Variants in CSMD1 observed in about 807,000 individuals in gnomAD.
CSMD1 encodes the protein CUB and Sushi multiple domains 1, also known as CUB and sushi domain-containing protein 1.
CSMD1 carries 213 observed loss-of-function variants against 417.5 expected under a neutral mutation model. The ratio of observed to expected loss-of-function variants is 0.51; its 90% confidence interval spans 0.46 to 0.57. CSMD1 has a LOEUF of 0.57. Among genes scored for constraint, CSMD1 ranks in the 20% least tolerant of loss-of-function variants. CSMD1 has a pLI of 0.00. For missense variants in CSMD1, 6,923 were observed against 4,529.7 expected (o/e 1.53, Z -15.17); for synonymous variants, 2,862 against 1,736.8 (o/e 1.65, Z -16.11).
chr8:4,551,855 T>A (rs1181741681), intron 2 of CSMD1, among the ~76,000 whole-genome samples: 1 of 76,072 alleles, frequency 1.3e-5, no homozygotes, highest in African/African-American at 5.7e-5. Flanking sequence ...ATTTTTTGTA[T>A]TTTTTTTTTT....
At chr8:3,122,672 C>T (rs1817275161) in intron 41 of CSMD1, among the ~76,000 whole-genome samples, 1 of 152,106 alleles carries the variant, frequency 6.6e-6, no homozygotes, top group African/African-American at 2.4e-5. Context: ...GGGGTTTCCA[C>T]TTTTGCTTCT....
intron 47 of CSMD1, among the ~76,000 whole-genome samples, chr8:3,095,860 T>A (rs963602580): frequency 1.3e-5 from 2 of 152,206 alleles, no homozygotes; most frequent in African/African-American, 4.8e-5. Context: ...ATATCACTGT[T>A]AAAATTTTCA....
intron 1 of CSMD1, among the ~76,000 whole-genome samples, chr8:4,986,553 T>A (rs1164226789): frequency 6.6e-6 from 1 of 152,170 alleles, no homozygotes; most frequent in East Asian, 1.9e-4. Flanking sequence ...ATTTAGCCCT[T>A]TCTTATATAA....
intron 2 of CSMD1, among the ~76,000 whole-genome samples, chr8:4,524,569 CTT>C (rs35453060): frequency 2.4e-4 from 28 of 117,922 alleles, no homozygotes; most frequent in South Asian, 2.8e-4. Flanking sequence ...CACACTTGGT[CTT>C]TTTTTTTTTT....
intron 18 of CSMD1, among the ~76,000 whole-genome samples, chr8:3,370,043 A>G (rs1809850098): frequency 6.6e-6 from 1 of 152,214 alleles, no homozygotes; most frequent in African/African-American, 2.4e-5. Flanking sequence ...AGTGTGTAGT[A>G]GCTACTAAAT....
chr8:2,968,433 G>A (rs966305274), intron 57 of CSMD1, among the ~76,000 whole-genome samples: 1 of 152,152 alleles, frequency 6.6e-6, no homozygotes. Context: ...TCAAATAACC[G>A]ATGAAAAATT....
intron 10 of CSMD1, among the ~76,000 whole-genome samples, chr8:3,538,306 G>C (rs74868891): frequency 2.0e-5 from 3 of 151,616 alleles, no homozygotes; most frequent in Non-Finnish European, 4.4e-5. Flanking sequence ...ACCTGAGATG[G>C]TACACGTGCG....
At chr8:4,259,422 T>C (rs908162697) in intron 3 of CSMD1, among the ~76,000 whole-genome samples, 2 of 152,264 alleles carry the variant, frequency 1.3e-5, no homozygotes, top group African/African-American at 2.4e-5. Flanking sequence ...TTCATAATTA[T>C]ACCAGGACCC....
intron 26 of CSMD1, among the ~76,000 whole-genome samples, chr8:3,254,720 G>A (rs141721560): frequency 1.4e-4 from 22 of 152,204 alleles, no homozygotes; most frequent in African/African-American, 4.8e-4. Context: ...TTTCAGCTCC[G>A]TCAGGTCCTT....
chr8:3,724,059 TG>T (rs1802344212), intron 6 of CSMD1, among the ~76,000 whole-genome samples: 1 of 66,368 alleles, frequency 1.5e-5, no homozygotes, highest in African/African-American at 3.2e-5. Context: ...ACACAGATTT[TG>T]TTCATTGACT....
At chr8:4,914,742 T>A (rs1404337188) in intron 1 of CSMD1, among the ~76,000 whole-genome samples, 1 of 151,868 alleles carries the variant, frequency 6.6e-6, no homozygotes, top group Non-Finnish European at 1.5e-5. Context: ...CTTAAGAGGC[T>A]AATGTGTTTT....
At chr8:4,807,102 A>AT (rs1466234960) in intron 1 of CSMD1, among the ~76,000 whole-genome samples, 2 of 152,206 alleles carry the variant, frequency 1.3e-5, no homozygotes, top group Admixed American at 6.5e-5. Flanking sequence ...AGACTAATAC[A>AT]TTCTCATAGA....
chr8:3,924,863 A>T lies in CSMD1; in HGVS notation c.818+73040T>A, dbSNP rs1809531306. The stretch of plus-strand genomic sequence containing the variant: ...TTTGTCAGGCGGTTCAAAAATTCTC[A>T]TTTCTTTAGGGTTTGGTACTGGTGC... On this transcript the variant is annotated intron_variant, in intron 5 of 69. Transcript: ENST00000635120. Among the ~76,000 whole-genome samples, 6 of 152,068 alleles carry T rather than the reference A, an allele frequency of 3.9e-5. No homozygotes were observed. In the South Asian group the frequency reaches 1.0e-3, roughly 26 times the overall value.
chr8:4,252,655 T>C (rs969705945), intron 3 of CSMD1, among the ~76,000 whole-genome samples: 1 of 152,216 alleles, frequency 6.6e-6, no homozygotes, highest in Admixed American at 6.5e-5. Context: ...AGTTTAAAAA[T>C]GGAACAGGCT....
chr8:4,924,383 C>G (rs1458254721), intron 1 of CSMD1, among the ~76,000 whole-genome samples: 1 of 152,074 alleles, frequency 6.6e-6, no homozygotes, highest in South Asian at 2.1e-4. Context: ...GAATTAAAAA[C>G]CATCTATATG....
rs1798971394 is a variant in CSMD1, at chr8:3,777,781, ACCCACAG to A, written c.819-23746_819-23740del. ...TGCAGAGTCTCAGTTCCCACTCCAG[ACCCACAG>A]CCTCCTTGAAGCGCAGAGTCTCAGT... On this transcript the variant is annotated intron_variant, in intron 5 of 69. Transcript: ENST00000635120. Among the ~76,000 whole-genome samples, 3 of 93,306 alleles carry A rather than the reference ACCCACAG, an allele frequency of 3.2e-5. No homozygotes were observed. The East Asian group carries it at 1.0e-3, about 31-fold the overall frequency. The allele number at this position is 93,306 out of a possible 152,430, so 61.2% of individuals were successfully genotyped here.
intron 1 of CSMD1, among the ~76,000 whole-genome samples, chr8:4,650,528 G>C (rs1181158768): frequency 6.6e-6 from 1 of 152,008 alleles, no homozygotes; most frequent in Non-Finnish European, 1.5e-5. Flanking sequence ...ATTTTAGCTT[G>C]GTTTTGCGAC....
chr8:3,483,174 C>A (rs1817839913), intron 11 of CSMD1, among the ~76,000 whole-genome samples: 1 of 151,778 alleles, frequency 6.6e-6, no homozygotes, highest in South Asian at 2.1e-4. Flanking sequence ...AATAACGAAA[C>A]AAATATTCTC....
At chr8:3,876,956 A>C (rs1446192308) in intron 5 of CSMD1, among the ~76,000 whole-genome samples, 1 of 152,208 alleles carries the variant, frequency 6.6e-6, no homozygotes, top group South Asian at 2.1e-4. Context: ...TTAGAAGCAC[A>C]AGAAATAATT....
Sources: allele counts gnomAD v4.1 joint callset (sites outside exome capture counted in the v4.1 genomes callset), GRCh38; gene constraint gnomAD v4.1.1; transcripts MANE v1.5; gene names NCBI Gene and HGNC (gene_info 2026-07-23, HGNC 2026-07-21).